Variants in MIEF2 observed in about 807,000 individuals in gnomAD.
MIEF2 encodes the protein mitochondrial dynamics protein MID49.
In MIEF2, 1 loss-of-function variant was observed where a neutral mutation model predicts 7.4. That is an observed-to-expected ratio of 0.14 (90% CI 0.05 to 0.64). The LOEUF (loss-of-function observed/expected upper bound fraction) is 0.64. Ranked by LOEUF, MIEF2 falls within the 30% of genes least tolerant of loss-of-function variation. MIEF2 has a pLI of 0.85. For synonymous variants in MIEF2, 275 were observed against 290.5 expected (o/e 0.95, Z 0.54); for missense variants, 569 against 623.9 (o/e 0.91, Z 0.94).
chr17:18,264,891 A>G lies in MIEF2; in HGVS notation c.*127A>G. The G allele has an allele frequency of 2.8e-6, 4 of 1,420,252 alleles. No individual in the cohort carries two copies. Among genetic ancestry groups the G allele is most frequent in the Non-Finnish European group, 3.7e-6 (4 of 1,081,796 alleles). The allele number at this position is 1,420,252 out of a possible 1,614,324, so 88.0% of individuals were successfully genotyped here. Reference sequence around the variant, plus strand: ...GAACAAAGGAGGGTACATTACTTAAACCCAGGGCATCAGGATGTGCTTGGG... The same window carrying G: ...GAACAAAGGAGGGTACATTACTTAAGCCCAGGGCATCAGGATGTGCTTGGG... On this transcript the variant is annotated 3_prime_UTR_variant, in exon 4 of 4. Coordinates refer to ENST00000323019, the MANE Select transcript of MIEF2 (RefSeq NM_139162.4).
Position 18,264,188 on chromosome 17 carries a change from T to G in MIEF2, c.789T>G (p.Ala263=). 1.3e-6 allele frequency: 2 copies of G among 1,598,448 alleles called. No homozygotes were observed. The highest frequency in any genetic ancestry group is 1.7e-6 in the Non-Finnish European group (2 of 1,177,546). The change falls in exon 4 of 4, where the codon GCT becomes GCG. Residue 263 remains alanine, a synonymous_variant. Transcript: ENST00000323019. ...VLLELLRKAL[A]ASVNWPAIGS... ...TGGAGCTACTCCGCAAGGCGCTGGCTGCTTCTGTCAACTGGCCGGCCATTG... is the reference window on the plus strand; with the variant it reads ...TGGAGCTACTCCGCAAGGCGCTGGCGGCTTCTGTCAACTGGCCGGCCATTG...
Position 18,264,975 on chromosome 17 carries a change from C to G in MIEF2, c.*211C>G. 1 of 861,622 alleles carries G rather than the reference C, an allele frequency of 1.2e-6. No individual in the cohort carries two copies. The highest frequency in any genetic ancestry group is 1.7e-6 in the Non-Finnish European group (1 of 598,768). 53.4% of individuals were successfully genotyped at this position (861,622 alleles called of 1,614,324 possible). On this transcript the variant is annotated 3_prime_UTR_variant, in exon 4 of 4. Coordinates refer to ENST00000323019, the MANE Select transcript of MIEF2 (RefSeq NM_139162.4). ...TTGGGTCACTGTCACCTGAGTGCAG[C>G]TGGGCTGCCTCAGGCAGCTTGGAGT...
At position 18,263,175 on chromosome 17, in the gene MIEF2, C is replaced by T. The variant is rs146109824; in HGVS notation, c.237C>T (p.His79=). ...TGAGCCTGCTCAAGGCCACACCACA[C>T]CTGCAGCCCCGGCCTCCACCTGCTG... ...KELSLLKATP[H]LQPRPPPAAL... Residue 79 remains histidine (H), a synonymous_variant, in exon 3 of 4, where the codon CAC becomes CAT. Transcript: ENST00000323019. 6.2e-7 allele frequency: 1 copy of T among 1,613,630 alleles called. No homozygotes were observed. The highest frequency in any genetic ancestry group is 8.5e-7 in the Non-Finnish European group (1 of 1,180,036).
chr17:18,263,712 G>T lies in MIEF2; in HGVS notation c.313G>T (p.Gly105Trp), dbSNP rs764759313. The change falls in exon 4 of 4, where the codon GGG (glycine) becomes TGG (tryptophan). Residue 105 changes from glycine to tryptophan, a missense_variant and splice_region_variant. Physicochemically the swap from Gly to Trp is radical, Grantham distance 184. Coordinates refer to ENST00000323019, the MANE Select transcript of MIEF2 (RefSeq NM_139162.4). Reference sequence around the variant, plus strand: ...TTCCCCGCCCCTTCACTCTGCAGAAGGGCCTGCAGAAACTGATCCTGAGGT... The same window carrying T: ...TTCCCCGCCCCTTCACTCTGCAGAATGGCCTGCAGAAACTGATCCTGAGGT... ...PLAPSSSAPE[G>W]PAETDPEVTP... 10 of 1,572,504 alleles carry T rather than the reference G, an allele frequency of 6.4e-6. No individual in the cohort carries two copies. The highest frequency in any genetic ancestry group is 8.7e-6 in the Non-Finnish European group (10 of 1,155,862).
rs1397857440 is a variant in MIEF2 at position 18,264,207 on chromosome 17, G to A, written c.808G>A (p.Ala270Thr). 1.2e-6 allele frequency: 2 copies of A among 1,600,638 alleles called. No individual in the cohort carries two copies. The highest frequency in any genetic ancestry group is 1.3e-5 in the African/African-American group (1 of 74,912). The change falls in exon 4 of 4, where the codon GCC becomes ACC. Residue 270 changes from alanine (A) to threonine (T), a missense_variant. Ala to Thr is a moderately conservative substitution (Grantham distance 58). Transcript: ENST00000323019. ...KALAASVNWP[A>T]IGSLLGCLIR... Reference sequence around the variant, plus strand: ...GCTGGCTGCTTCTGTCAACTGGCCGGCCATTGGCAGCCTTCTCGGGTGCCT... The same window carrying A: ...GCTGGCTGCTTCTGTCAACTGGCCGACCATTGGCAGCCTTCTCGGGTGCCT...
chr17:18,263,951 C>T lies in MIEF2; in HGVS notation c.552C>T (p.Asp184=), dbSNP rs367578636. 47 of 1,589,196 alleles carry T rather than the reference C, an allele frequency of 3.0e-5. No individual in the cohort carries two copies. The highest frequency in any genetic ancestry group is 8.0e-5 in the African/African-American group (6 of 74,748). ...GAFVPGGPLY[D]GLQAGAADHV... ...TCGTGCCTGGGGGGCCGCTCTACGA[C>T]GGGCTGCAGGCGGGGGCTGCGGACC... is the stretch of plus-strand genomic sequence containing the variant. Residue 184 remains aspartate, a synonymous_variant, in exon 4 of 4, where the codon GAC becomes GAT. Transcript: ENST00000323019.
rs1386458372 is a variant in MIEF2 at position 18,265,320 on chromosome 17, GT to G, written c.*557del. 1 of 153,230 alleles carries G rather than the reference GT, an allele frequency of 6.5e-6. No individual in the cohort carries two copies. The highest frequency in any genetic ancestry group is 1.5e-5 in the Non-Finnish European group (1 of 68,796). 9.5% of individuals were successfully genotyped at this position (153,230 alleles called of 1,614,324 possible). On this transcript the variant is annotated 3_prime_UTR_variant, in exon 4 of 4. Coordinates refer to ENST00000323019, the MANE Select transcript of MIEF2 (RefSeq NM_139162.4). Reference sequence around the variant, plus strand: ...GGATGGCATTTTCCTGCTGTCTTCTGTGCGTTTAGTTTTCTTGCTGAGCGGG... The same window carrying G: ...GGATGGCATTTTCCTGCTGTCTTCTGGCGTTTAGTTTTCTTGCTGAGCGGG...
In MIEF2 at chr17:18,265,752, TA is replaced by T. The variant is rs1371999079; in HGVS notation, c.*992del. 1 of 152,438 alleles carries T rather than the reference TA, an allele frequency of 6.6e-6. No individual in the cohort carries two copies. Among genetic ancestry groups the T allele is most frequent in the Non-Finnish European group, 1.5e-5 (1 of 68,038 alleles). 9.4% of individuals were successfully genotyped at this position (152,438 alleles called of 1,614,324 possible). On this transcript the variant is annotated 3_prime_UTR_variant, in exon 4 of 4. Transcript: ENST00000323019. ...TCAGCTTCGAAGATGTGAACAAGAA[TA>T]AAAGGAAAAAATTCTAATGTATATA... is the stretch of plus-strand genomic sequence containing the variant.
Position 18,263,266 on chromosome 17 carries a change from C to T in MIEF2, c.310+18C>T, listed in dbSNP as rs1225904755. Reference sequence around the variant, plus strand: ...TGCCCCAGGTGAGTGGCACTCCTTCCCCTCTTTTGGTGTCACATTCAAGAG... The same window carrying T: ...TGCCCCAGGTGAGTGGCACTCCTTCTCCTCTTTTGGTGTCACATTCAAGAG... On this transcript the variant is annotated intron_variant, in intron 3 of 3. Coordinates refer to ENST00000323019, the MANE Select transcript of MIEF2 (RefSeq NM_139162.4). The T allele has an allele frequency of 3.7e-6, 6 of 1,613,678 alleles. No homozygotes were observed. In the Admixed American group the frequency reaches 8.3e-5, roughly 22 times the overall value.
Position 18,264,282 on chromosome 17 carries a change from G to C in MIEF2, c.883G>C (p.Glu295Gln), listed in dbSNP as rs146137279. The C allele has an allele frequency of 1.2e-6, 2 of 1,606,740 alleles. No homozygotes were observed. Among genetic ancestry groups the C allele is most frequent in the South Asian group, 2.2e-5 (2 of 91,064 alleles). Residue 295 changes from glutamate (E) to glutamine (Q), a missense_variant, in exon 4 of 4, where the codon GAA becomes CAA. By Grantham distance (29) the Glu-to-Gln change is conservative. Coordinates refer to ENST00000323019, the MANE Select transcript of MIEF2 (RefSeq NM_139162.4). ...SEELLLEVQH[E>Q]RLELTVAVLV... ...GGAGCTGCTGCTCGAGGTGCAGCACGAACGCCTGGAGCTCACTGTGGCTGT... is the reference window on the plus strand; with the variant it reads ...GGAGCTGCTGCTCGAGGTGCAGCACCAACGCCTGGAGCTCACTGTGGCTGT...
In MIEF2 at chr17:18,264,037, T is replaced by G; in HGVS notation, c.638T>G (p.Val213Gly). The G allele has an allele frequency of 6.4e-7, 1 of 1,555,138 alleles. No individual in the cohort carries two copies. The highest frequency in any genetic ancestry group is 8.7e-7 in the Non-Finnish European group (1 of 1,154,190). The change falls in exon 4 of 4, where the codon GTG (valine) becomes GGG (glycine). Residue 213 changes from valine (V) to glycine (G), a missense_variant. By Grantham distance (109) the Val-to-Gly change is moderately radical. Coordinates refer to ENST00000323019, the MANE Select transcript of MIEF2 (RefSeq NM_139162.4). ...GGCCTGTGGAGCCTGGTGCCGGGCG[T>G]GGACACTGTGGCGAGGGACCCTCGC... ...EPGLWSLVPG[V>G]DTVARDPRCW...
At position 18,264,040 on chromosome 17, in the gene MIEF2, A is replaced by C; in HGVS notation, c.641A>C (p.Asp214Ala). The C allele has an allele frequency of 6.4e-7, 1 of 1,555,238 alleles. No homozygotes were observed. Among genetic ancestry groups the C allele is most frequent in the Non-Finnish European group, 8.7e-7 (1 of 1,154,264 alleles). ...PGLWSLVPGV[D>A]TVARDPRCWA... The stretch of plus-strand genomic sequence containing the variant: ...CTGTGGAGCCTGGTGCCGGGCGTGG[A>C]CACTGTGGCGAGGGACCCTCGCTGC... Residue 214 changes from aspartate to alanine, a missense_variant, in exon 4 of 4, where the codon GAC becomes GCC. Coordinates refer to ENST00000323019, the MANE Select transcript of MIEF2 (RefSeq NM_139162.4).
intron 1 of MIEF2, among the ~76,000 whole-genome samples, chr17:18,261,766 TTC>T (rs1290476699): frequency 6.6e-6 from 1 of 152,220 alleles, no homozygotes; most frequent in Non-Finnish European, 1.5e-5. Flanking sequence ...TCACCTTACT[TTC>T]TGTGTTGCTT....
intron 2 of MIEF2, 104 bp from the exon 3 acceptor site, chr17:18,262,982 C>T: frequency 6.5e-7 from 1 of 1,547,936 alleles, no homozygotes; most frequent in East Asian, 2.3e-5. Flanking sequence ...CATGGGAGCC[C>T]AGGGCACCTG....
In MIEF2 at chr17:18,264,346, T is replaced by G; in HGVS notation, c.947T>G (p.Leu316Arg). 2 of 1,605,866 alleles carry G rather than the reference T, an allele frequency of 1.2e-6. No individual in the cohort carries two copies. The highest frequency in any genetic ancestry group is 1.7e-6 in the Non-Finnish European group (2 of 1,179,872). ...CCTGGGGTCGATGCTGACGACCGCC[T>G]CCTCTTGGCCTGGCCCCTGGAGGGG... ...AVPGVDADDR[L>R]LLAWPLEGLA... Residue 316 changes from leucine to arginine, a missense_variant, in exon 4 of 4, where the codon CTC becomes CGC. Transcript: ENST00000323019.
intron 1 of MIEF2, chr17:18,261,249 C>G (rs1567723992): frequency 2.0e-6 from 3 of 1,464,034 alleles, no homozygotes; most frequent in South Asian, 1.2e-5. Flanking sequence ...CCCGAGTCAC[C>G]GATGAGGAGA....
At chr17:18,262,656 C>T (rs1034496384) in intron 1 of MIEF2, 58 bp from the exon 2 acceptor site, 2 of 1,492,116 alleles carry the variant, frequency 1.3e-6, no homozygotes, top group African/African-American at 1.4e-5. Context: ...ACAGCAGCCC[C>T]TCTCCCAGCC....
At position 18,262,813 on chromosome 17, in the gene MIEF2, G is replaced by A; in HGVS notation, c.93G>A (p.Val31=). The change falls in exon 2 of 4, where the codon GTG becomes GTA. Residue 31 remains valine (V), a synonymous_variant. Coordinates refer to ENST00000323019, the MANE Select transcript of MIEF2 (RefSeq NM_139162.4). ...VDFLLANARL[V]LGVGGAAVLG... is the part of the protein sequence containing the mutation. ...TCCTCCTGGCCAATGCCCGCCTGGT[G>A]CTGGGCGTGGGCGGGGCTGCTGTGC... 1 of 1,572,842 alleles carries A rather than the reference G, an allele frequency of 6.4e-7. No individual in the cohort carries two copies. The highest frequency in any genetic ancestry group is 1.2e-5 in the South Asian group (1 of 85,084).
In MIEF2 at chr17:18,264,662, C is replaced by T; in HGVS notation, c.1263C>T (p.Phe421=). The change falls in exon 4 of 4, where the codon TTC becomes TTT. Residue 421 remains phenylalanine (F), a synonymous_variant. Transcript: ENST00000323019. ...SLEQASLPCH[F]NPSVNLFSSL... ...AGCAGGCCAGCCTGCCCTGCCACTT[C>T]AACCCCAGCGTGAACCTCTTCAGCA... The T allele has an allele frequency of 6.2e-7, 1 of 1,612,748 alleles. No individual in the cohort carries two copies. Among genetic ancestry groups the T allele is most frequent in the South Asian group, 1.1e-5 (1 of 91,080 alleles).
Sources: allele counts gnomAD v4.1 joint callset (sites outside exome capture counted in the v4.1 genomes callset), GRCh38; gene constraint gnomAD v4.1.1; transcripts MANE v1.5; gene names NCBI Gene and HGNC (gene_info 2026-07-23, HGNC 2026-07-21).